The following FUT8 variants were observed in gnomAD, a reference collection of about 807,000 sequenced individuals.
The protein encoded by FUT8 is alpha-(1,6)-fucosyltransferase.
Under a neutral mutation model 71.3 loss-of-function variants are expected in FUT8, and 29 were observed. That is an observed-to-expected ratio of 0.41 (90% CI 0.30 to 0.55). The LOEUF (loss-of-function observed/expected upper bound fraction) is 0.55, where lower values mean the gene tolerates loss of function less well. Among genes scored for constraint, FUT8 ranks in the 20% least tolerant of loss-of-function variants. The probability of loss-of-function intolerance (pLI) is 0.34; values close to 1 mark genes in which losing one functional copy is unlikely to be tolerated. For synonymous variants in FUT8, 254 were observed against 239.3 expected (o/e 1.06, Z -0.57); for missense variants, 544 against 702.1 (o/e 0.77, Z 2.55).
intron 2 of FUT8, among the ~76,000 whole-genome samples, chr14:65,481,255 T>C (rs2139680552): frequency 6.6e-6 from 1 of 152,344 alleles, no homozygotes. Context: ...GCATATTTTC[T>C]TTGGAGAAAT....
At chr14:65,428,090 C>T (rs1313485219) in intron 1 of FUT8, among the ~76,000 whole-genome samples, 3 of 152,302 alleles carry the variant, frequency 2.0e-5, no homozygotes, top group East Asian at 3.9e-4. Context: ...CACTTGTCCC[C>T]TCTCGGCCTC....
chr14:65,735,933 C>T (rs925211363), intron 10 of FUT8, among the ~76,000 whole-genome samples: 1 of 151,916 alleles, frequency 6.6e-6, no homozygotes, highest in Non-Finnish European at 1.5e-5. Flanking sequence ...TTGAAAATGC[C>T]CTAGAAATAT....
intron 2 of FUT8, among the ~76,000 whole-genome samples, chr14:65,482,601 A>C (rs1053525837): frequency 3.9e-5 from 6 of 152,148 alleles, no homozygotes; most frequent in African/African-American, 1.4e-4. Context: ...TCTTGATGCC[A>C]CTACCATGCT....
the FUT8 span, among the ~76,000 whole-genome samples, chr14:65,389,685 G>C: frequency 1.9e-4 from 29 of 151,806 alleles, no homozygotes; most frequent in Non-Finnish European, 3.7e-4. Context: ...GAAATCCTGA[G>C]CTCATGTGAT....
At chr14:65,615,005 A>G (rs577574589) in intron 3 of FUT8, among the ~76,000 whole-genome samples, 1 of 152,308 alleles carries the variant, frequency 6.6e-6, no homozygotes, top group Admixed American at 6.5e-5. Flanking sequence ...TAAGTAAGAG[A>G]TCTTGGATTG....
chr14:65,495,351 CT>C (rs2066543117), intron 2 of FUT8, among the ~76,000 whole-genome samples: 1 of 152,080 alleles, frequency 6.6e-6, no homozygotes, highest in Non-Finnish European at 1.5e-5. Flanking sequence ...AGAGTTTTCA[CT>C]TTGGCTGCTG....
chr14:65,677,152 G>GCGCGCGCGCA (rs1892781223), intron 7 of FUT8, among the ~76,000 whole-genome samples: 2 of 59,480 alleles, frequency 3.4e-5, no homozygotes, highest in African/African-American at 5.0e-5. Flanking sequence ...GTGTGTGTGT[G>GCGCGCGCGCA]CGCGCGCGCA....
intron 2 of FUT8, among the ~76,000 whole-genome samples, chr14:65,520,535 TAATG>T (rs1883010197): frequency 6.6e-6 from 1 of 152,162 alleles, no homozygotes; most frequent in African/African-American, 2.4e-5. Flanking sequence ...CAGGAAAAAT[TAATG>T]AACTAATCAA....
chr14:65,600,422 T>C lies in FUT8; in HGVS notation c.204-15556T>C, dbSNP rs193108568. Among the ~76,000 whole-genome samples the C allele has an allele frequency of 3.0e-3, 451 of 152,312 alleles. 5 individuals carry two copies. The highest frequency in any genetic ancestry group is 9.9e-3 in the African/African-American group (411 of 41,576). On this transcript the variant is annotated intron_variant, in intron 3 of 10. Coordinates refer to ENST00000673929, the MANE Select transcript of FUT8 (RefSeq NM_001371533.1). ...TACTATGTGTCGTGAGAATGTGTCATGTGCTAGGTATAGAATAGTGCCCTC... is the reference window on the plus strand; with the variant it reads ...TACTATGTGTCGTGAGAATGTGTCACGTGCTAGGTATAGAATAGTGCCCTC...
chr14:65,390,636 T>G, the FUT8 span, among the ~76,000 whole-genome samples: 1 of 152,098 alleles, frequency 6.6e-6, no homozygotes, highest in Non-Finnish European at 1.5e-5. Context: ...CTAGATGATG[T>G]ATTTAAAGGA....
In FUT8 at chr14:65,643,665, TACACACACACACAC is replaced by T. The variant is rs60967671; in HGVS notation, c.597+14096_597+14109del. 3.7e-3 allele frequency among the ~76,000 whole-genome samples: 457 copies of T among 124,734 alleles called. 3 individuals are homozygous for T. Among genetic ancestry groups the T allele is most frequent in the African/African-American group, 6.8e-3 (214 of 31,258 alleles). 81.8% of individuals were successfully genotyped at this position (124,734 alleles called of 152,430 possible). ...CGAGACTCCGTCTTTAAAAAAAAAATACACACACACACACACACACACACACACACACACACACA... is the reference window on the plus strand; with the variant it reads ...CGAGACTCCGTCTTTAAAAAAAAAATACACACACACACACACACACACACA... On this transcript the variant is annotated intron_variant, in intron 6 of 10. Coordinates refer to ENST00000673929, the MANE Select transcript of FUT8 (RefSeq NM_001371533.1). This position sits in a 1 kb window ranked among gnomAD's most constrained non-coding sequence, Gnocchi z 4.5.
chr14:65,722,605 T>A (rs926571790), intron 8 of FUT8, among the ~76,000 whole-genome samples: 3 of 152,238 alleles, frequency 2.0e-5, no homozygotes, highest in Non-Finnish European at 2.9e-5. Flanking sequence ...TTTCTTCTCA[T>A]GTAACTTTTG....
At chr14:65,362,219 C>T in the FUT8 span, among the ~76,000 whole-genome samples, 395 of 152,282 alleles carry the variant, frequency 2.6e-3, no homozygotes, top group African/African-American at 8.9e-3. Context: ...TGTTCCCTGC[C>T]AAAGCTTGAA....
chr14:65,666,631 C>A (rs1892231145), intron 6 of FUT8, among the ~76,000 whole-genome samples: 1 of 152,000 alleles, frequency 6.6e-6, no homozygotes, highest in South Asian at 2.1e-4. Flanking sequence ...TGAAACTATT[C>A]CAAAAAATTG....
At chr14:65,480,615 C>T (rs980977348) in intron 2 of FUT8, among the ~76,000 whole-genome samples, 6 of 151,726 alleles carry the variant, frequency 4.0e-5, no homozygotes, top group Non-Finnish European at 2.9e-5. Flanking sequence ...GTGCCTGGCA[C>T]AAATAACTTT....
At chr14:65,486,511 G>A (rs1271790075) in intron 2 of FUT8, among the ~76,000 whole-genome samples, 3 of 152,200 alleles carry the variant, frequency 2.0e-5, no homozygotes, top group African/African-American at 7.2e-5. Flanking sequence ...ACATGAAGAA[G>A]TCTTTAAGTC....
In FUT8 at chr14:65,436,623, C is replaced by G. The variant is rs570251094; in HGVS notation, c.-325-18998C>G. On this transcript the variant is annotated intron_variant, in intron 1 of 10. Coordinates refer to ENST00000673929, the MANE Select transcript of FUT8 (RefSeq NM_001371533.1). ...CAGCCTGGGCGACAGAGCGAGACTC[C>G]CTCTCAAAAAAAAAAAAAAAAAAGT... Among the ~76,000 whole-genome samples, 175 of 76,546 alleles carry G rather than the reference C, an allele frequency of 2.3e-3. No homozygotes were observed. In the East Asian group the frequency reaches 0.069, roughly 30 times the overall value. 50.2% of individuals were successfully genotyped at this position (76,546 alleles called of 152,430 possible). A position where few individuals can be genotyped will look rare whatever the true frequency, so the allele number is the denominator to read the frequency against.
chr14:65,444,487 A>T (rs1220347110), intron 1 of FUT8, among the ~76,000 whole-genome samples: 1 of 152,190 alleles, frequency 6.6e-6, no homozygotes, highest in Non-Finnish European at 1.5e-5. Context: ...AAAACCAGTA[A>T]TGCTCTGTTC....
At chr14:65,503,487 T>C (rs2066679204) in intron 2 of FUT8, among the ~76,000 whole-genome samples, 1 of 152,250 alleles carries the variant, frequency 6.6e-6, no homozygotes. Context: ...GCATCTTGCC[T>C]TGAGCCAAAT....
Sources: gnomAD v4.1 joint callset for allele counts (sites outside exome capture counted in the v4.1 genomes callset) on GRCh38, gnomAD v4.1.1 for gene constraint, Gnocchi (gnomAD v3.1) non-coding constraint, MANE v1.5 for transcripts, NCBI Gene and HGNC (gene_info 2026-07-23, HGNC 2026-07-21) for gene names.